TRPM7: variants seen among roughly 807,000 people sequenced by gnomAD.
The protein encoded by TRPM7 is transient receptor potential cation channel subfamily M member 7.
Under a neutral mutation model 229.7 loss-of-function variants are expected in TRPM7, and 134 were observed. That is an observed-to-expected ratio of 0.58 (90% CI 0.51 to 0.67). The LOEUF is 0.67. Ranked by LOEUF, TRPM7 falls within the 30% of genes least tolerant of loss-of-function variation. TRPM7 has a pLI of 0.00. For synonymous variants in TRPM7, 699 were observed against 715.2 expected (o/e 0.98, Z 0.36); for missense variants, 1,901 against 2,210.0 (o/e 0.86, Z 2.80).
chr15:50,577,331 T>C (rs1279697927), intron 31 of TRPM7, among the ~76,000 whole-genome samples: 3 of 152,066 alleles, frequency 2.0e-5, no homozygotes, highest in South Asian at 2.1e-4. Context: ...GGGCAGATCA[T>C]GAGGTCAGGA....
intron 38 of TRPM7, among the ~76,000 whole-genome samples, chr15:50,562,721 C>G (rs2053372835): frequency 6.7e-6 from 1 of 149,770 alleles, no homozygotes; most frequent in Non-Finnish European, 1.5e-5. Context: ...TGCAATGACC[C>G]AAGATCATGC....
At chr15:50,610,691 A>G (rs1376030316) in intron 17 of TRPM7, among the ~76,000 whole-genome samples, 1 of 152,180 alleles carries the variant, frequency 6.6e-6, no homozygotes, top group Non-Finnish European at 1.5e-5. Context: ...GGGTATATCA[A>G]TATACTCATC....
intron 1 of TRPM7, among the ~76,000 whole-genome samples, chr15:50,678,237 C>T (rs2062141554): frequency 2.0e-5 from 2 of 98,192 alleles, no homozygotes; most frequent in African/African-American, 3.6e-5. Flanking sequence ...GAGACTCTCT[C>T]TCAAAAAAAA....
At chr15:50,648,594 G>A in intron 4 of TRPM7, 93 bp downstream of exon 4, 2 of 1,165,268 alleles carry the variant, frequency 1.7e-6, no homozygotes, top group South Asian at 3.6e-5. Context: ...ATAAATTACT[G>A]AGACCAACTT....
At chr15:50,602,720 T>C (rs559015481) in intron 21 of TRPM7, among the ~76,000 whole-genome samples, 2 of 152,298 alleles carry the variant, frequency 1.3e-5, no homozygotes, top group South Asian at 2.1e-4. Flanking sequence ...TAACATGTAA[T>C]AGATACACAA....
At chr15:50,568,111 C>CAAAAAAAAA (rs57093955) in intron 38 of TRPM7, among the ~76,000 whole-genome samples, 3 of 81,438 alleles carry the variant, frequency 3.7e-5, no homozygotes, top group Non-Finnish European at 6.6e-5. Flanking sequence ...GACTCTGTCT[C>CAAAAAAAAA]AAAAAAAAAA....
rs1262785924 is a variant in TRPM7, at chr15:50,559,400, C to A, written c.*2278G>T. ...CAGAGATAGGATTTTGCCATGTTGC[C>A]CAGGCTGGTCTCAAACTCCTGAGCC... On this transcript the variant is annotated 3_prime_UTR_variant, in exon 39 of 39. Transcript: ENST00000646667. 1 of 150,544 alleles carries A rather than the reference C, an allele frequency of 6.6e-6. No individual in the cohort carries two copies. The highest frequency in any genetic ancestry group is 1.5e-5 in the Non-Finnish European group (1 of 67,830). The allele number at this position is 150,544 out of a possible 1,614,324, so 9.3% of individuals were successfully genotyped here. A position where few individuals can be genotyped will look rare whatever the true frequency, so the allele number is the denominator to read the frequency against.
intron 4 of TRPM7, among the ~76,000 whole-genome samples, chr15:50,645,093 C>T (rs2061224583): frequency 6.6e-6 from 1 of 152,068 alleles, no homozygotes; most frequent in Non-Finnish European, 1.5e-5. Flanking sequence ...TTTGTAGACA[C>T]AAGGTTTCAC....
At chr15:50,607,049 T>C (rs1269115959) in intron 20 of TRPM7, 151 bp downstream of exon 20, 2 of 556,086 alleles carry the variant, frequency 3.6e-6, no homozygotes, top group Non-Finnish European at 6.0e-6. Flanking sequence ...TTTGCCATTA[T>C]TTTGGGAACA....
chr15:50,622,341 T>C (rs977335317), intron 12 of TRPM7, among the ~76,000 whole-genome samples: 4 of 152,218 alleles, frequency 2.6e-5, no homozygotes, highest in African/African-American at 9.6e-5. Flanking sequence ...TTAAATGTTT[T>C]AAAACTTCAT....
chr15:50,636,421 C>T (rs1288406874), intron 7 of TRPM7, among the ~76,000 whole-genome samples: 3 of 152,114 alleles, frequency 2.0e-5, no homozygotes, highest in Non-Finnish European at 4.4e-5. Context: ...GAATTCCTGA[C>T]CTCAGGTGAT....
At chr15:50,628,043 C>T (rs1220909617) in intron 11 of TRPM7, 106 bp downstream of exon 11, 1 of 773,884 alleles carries the variant, frequency 1.3e-6, no homozygotes, top group Non-Finnish European at 2.1e-6. Context: ...TATTTTTGAA[C>T]TATTGGCAGA....
At chr15:50,576,051 G>C in intron 31 of TRPM7, 132 bp from the exon 32 acceptor site, 1 of 870,066 alleles carries the variant, frequency 1.1e-6, no homozygotes, top group Non-Finnish European at 1.8e-6. Context: ...AGAAAAATTA[G>C]GGATAAAATA....
chr15:50,667,106 T>C (rs911717400), intron 1 of TRPM7, among the ~76,000 whole-genome samples: 3 of 151,934 alleles, frequency 2.0e-5, no homozygotes, highest in Admixed American at 1.3e-4. Flanking sequence ...CCAAAGGAAA[T>C]AGACTGCAGC....
chr15:50,604,630 A>G, intron 21 of TRPM7: 1 of 317,472 alleles, frequency 3.1e-6, no homozygotes. Flanking sequence ...GGAGTTACCT[A>G]CAGACATAAA....
intron 1 of TRPM7, among the ~76,000 whole-genome samples, chr15:50,679,354 C>T (rs2062176319): frequency 2.0e-5 from 3 of 149,104 alleles, no homozygotes; most frequent in Non-Finnish European, 3.0e-5. Flanking sequence ...AAACAGAAAA[C>T]TTGGACGCTT....
chr15:50,643,190 G>A (rs1036813514), intron 5 of TRPM7, 150 bp downstream of exon 5: 13 of 616,280 alleles, frequency 2.1e-5, no homozygotes, highest in Middle Eastern at 4.5e-4. Context: ...TCTGGAGGCT[G>A]AGGCAGGAGA....
chr15:50,633,069 C>A, intron 8 of TRPM7, 77 bp from the exon 9 acceptor site: 1 of 1,296,142 alleles, frequency 7.7e-7, no homozygotes, highest in Non-Finnish European at 1.0e-6. Flanking sequence ...CAGGTAGATC[C>A]ATGTAAGACC....
chr15:50,680,282 T>C (rs976979119), intron 1 of TRPM7, among the ~76,000 whole-genome samples: 7 of 152,044 alleles, frequency 4.6e-5, no homozygotes, highest in African/African-American at 1.5e-4. Context: ...GACTAATGCG[T>C]GTAATCCCAG....
Sources: allele counts gnomAD v4.1 joint callset (sites outside exome capture counted in the v4.1 genomes callset), GRCh38; gene constraint gnomAD v4.1.1; transcripts MANE v1.5; gene names NCBI Gene and HGNC (gene_info 2026-07-23, HGNC 2026-07-21).